Variants in LRRC4C observed in about 807,000 individuals in gnomAD.
The protein encoded by LRRC4C is leucine rich repeat containing 4C, also known as leucine-rich repeat-containing protein 4C.
LRRC4C carries 5 observed loss-of-function variants against 33.6 expected under a neutral mutation model. The observed-to-expected ratio is 0.15, with a 90% CI of 0.08 to 0.31. The LOEUF (loss-of-function observed/expected upper bound fraction) is 0.31. Among genes scored for constraint, LRRC4C ranks in the 10% least tolerant of loss-of-function variants. The pLI is 1.00. For synonymous variants in LRRC4C, 329 were observed against 302.0 expected (o/e 1.09, Z -0.93); for missense variants, 560 against 796.7 (o/e 0.70, Z 3.58).
At chr11:40,828,443 C>A (rs958562891) in intron 2 of LRRC4C, among the ~76,000 whole-genome samples, 2 of 151,660 alleles carry the variant, frequency 1.3e-5, no homozygotes, top group African/African-American at 4.8e-5. Context: ...CACATATTGA[C>A]ATATTGTAGG....
At chr11:41,257,310 G>C (rs1948833256) in intron 1 of LRRC4C, among the ~76,000 whole-genome samples, 1 of 151,978 alleles carries the variant, frequency 6.6e-6, no homozygotes, top group Admixed American at 6.6e-5. Context: ...ATAAAAAGTT[G>C]GAGTTGTGGT....
At chr11:41,341,172 T>C (rs1243529935) in intron 1 of LRRC4C, among the ~76,000 whole-genome samples, 1 of 151,450 alleles carries the variant, frequency 6.6e-6, no homozygotes, top group Admixed American at 6.5e-5. Context: ...TAGGTGAGGA[T>C]GTTACTTAAG....
chr11:40,698,454 T>G (rs1264300825), intron 2 of LRRC4C, among the ~76,000 whole-genome samples: 2 of 152,134 alleles, frequency 1.3e-5, no homozygotes, highest in Non-Finnish European at 2.9e-5. Flanking sequence ...GAGCATTTTT[T>G]TTTTCCTTTT....
intron 2 of LRRC4C, among the ~76,000 whole-genome samples, chr11:40,825,606 C>A (rs760231602): frequency 6.6e-6 from 1 of 151,946 alleles, no homozygotes; most frequent in East Asian, 1.9e-4. Context: ...CTAAAGTGCA[C>A]AAAAGCAGAG....
Position 40,794,478 on chromosome 11 carries a change from A to C in LRRC4C, c.-407+139157T>G, listed in dbSNP as rs948821156. 1.2e-4 allele frequency among the ~76,000 whole-genome samples: 18 copies of C among 152,104 alleles called. No individual in the cohort carries two copies. In the East Asian group the frequency reaches 3.5e-3, roughly 29 times the overall value. ...TTCAAGGAGATATACTAGCCATCAA[A>C]TCTCTGATTCTCCATCACAGGACTC... On this transcript the variant is annotated intron_variant, in intron 2 of 6. Transcript: ENST00000528697.
chr11:40,867,402 C>G (rs917454556), intron 2 of LRRC4C, among the ~76,000 whole-genome samples: 3 of 152,218 alleles, frequency 2.0e-5, no homozygotes, highest in African/African-American at 7.2e-5. Context: ...TGCAATAATA[C>G]TGTCTCTGGA....
At chr11:41,084,628 C>T (rs1385387413) in intron 1 of LRRC4C, among the ~76,000 whole-genome samples, 1 of 152,088 alleles carries the variant, frequency 6.6e-6, no homozygotes, top group African/African-American at 2.4e-5. Context: ...GCGGGTGGAT[C>T]ACCTGAGGTC....
intron 5 of LRRC4C, among the ~76,000 whole-genome samples, chr11:40,205,310 A>T (rs1056391688): frequency 2.8e-4 from 43 of 152,292 alleles, no homozygotes; most frequent in African/African-American, 9.9e-4. Context: ...ATGAATTACA[A>T]ATGCATTCAG....
intron 1 of LRRC4C, among the ~76,000 whole-genome samples, chr11:40,958,399 T>G (rs1220973695): frequency 1.3e-5 from 2 of 151,786 alleles, no homozygotes; most frequent in African/African-American, 4.8e-5. Flanking sequence ...TTACATAATT[T>G]TTACTACAGA....
At chr11:40,311,943 CA>C (rs368014390) in intron 4 of LRRC4C, among the ~76,000 whole-genome samples, 1,505 of 61,990 alleles carry the variant, frequency 0.024, 7 homozygotes, top group East Asian at 0.1. Flanking sequence ...GACTCTGTCT[CA>C]AAAAAAAAAA....
At chr11:40,137,288 T>C (rs1029409905) in intron 6 of LRRC4C, among the ~76,000 whole-genome samples, 3 of 152,162 alleles carry the variant, frequency 2.0e-5, no homozygotes, top group African/African-American at 4.8e-5. Flanking sequence ...AGTAACCTAG[T>C]AATGAATTCA....
chr11:40,597,979 T>A (rs1959537618), intron 3 of LRRC4C, among the ~76,000 whole-genome samples: 1 of 152,214 alleles, frequency 6.6e-6, no homozygotes, highest in Admixed American at 6.5e-5. Flanking sequence ...AATTAAGGTT[T>A]GAAAGCCTAT....
intron 3 of LRRC4C, among the ~76,000 whole-genome samples, chr11:40,366,636 TGA>T (rs1243574167): frequency 2.0e-5 from 3 of 152,078 alleles, no homozygotes; most frequent in Non-Finnish European, 4.4e-5. Flanking sequence ...TCTCATAAAC[TGA>T]GATAAATTTA....
chr11:41,085,592 T>C (rs766209765), intron 1 of LRRC4C, among the ~76,000 whole-genome samples: 9 of 152,166 alleles, frequency 5.9e-5, no homozygotes, highest in Non-Finnish European at 1.2e-4. Context: ...CTGTGTCTAA[T>C]ACAGAGTACC....
intron 3 of LRRC4C, among the ~76,000 whole-genome samples, chr11:40,635,984 CAAG>C (rs946030726): frequency 6.6e-6 from 1 of 151,962 alleles, no homozygotes; most frequent in Non-Finnish European, 1.5e-5. Flanking sequence ...AAAAACAATT[CAAG>C]AAGAAGGAAC....
intron 1 of LRRC4C, among the ~76,000 whole-genome samples, chr11:41,047,515 C>G (rs1041694202): frequency 6.6e-6 from 1 of 152,050 alleles, no homozygotes; most frequent in African/African-American, 2.4e-5. Context: ...TGACTAAAAA[C>G]TAACAAACTT....
At chr11:41,198,525 T>G (rs1056999543) in intron 1 of LRRC4C, among the ~76,000 whole-genome samples, 6 of 152,072 alleles carry the variant, frequency 3.9e-5, no homozygotes, top group Middle Eastern at 3.4e-3. Context: ...CATTTGAGAA[T>G]GTAATGACAA....
chr11:41,016,027 T>A (rs1490959525), intron 1 of LRRC4C, among the ~76,000 whole-genome samples: 1 of 151,552 alleles, frequency 6.6e-6, no homozygotes, highest in Non-Finnish European at 1.5e-5. Flanking sequence ...ACAAAAAGTA[T>A]CAAGAATATG....
intron 1 of LRRC4C, among the ~76,000 whole-genome samples, chr11:41,059,201 A>T (rs1397355656): frequency 1.4e-5 from 1 of 70,500 alleles, no homozygotes; most frequent in African/African-American, 4.5e-5. Flanking sequence ...TCCTGATACT[A>T]AAATAAAAGT....
Sources: gnomAD v4.1 joint callset for allele counts (sites outside exome capture counted in the v4.1 genomes callset) on GRCh38, gnomAD v4.1.1 for gene constraint, MANE v1.5 for transcripts, NCBI Gene and HGNC (gene_info 2026-07-23, HGNC 2026-07-21) for gene names.